The following ZNF652 variants were observed in gnomAD, a reference collection of about 807,000 sequenced individuals.
ZNF652 encodes the protein zinc finger protein 652.
In ZNF652, 16 loss-of-function variants were observed where a neutral mutation model predicts 45.2. The ratio of observed to expected loss-of-function variants is 0.35; its 90% CI spans 0.24 to 0.54. ZNF652 has a LOEUF of 0.54. Ranked by LOEUF, ZNF652 falls within the 20% of genes least tolerant of loss-of-function variation. The pLI, the probability that ZNF652 is intolerant of heterozygous loss-of-function variation, is 0.91. For synonymous variants in ZNF652, 250 were observed against 260.6 expected, an observed-to-expected ratio of 0.96 and a Z score of 0.39; for missense variants, 614 against 765.6, an observed-to-expected ratio of 0.80 and a Z score of 2.34.
At chr17:49,315,647 T>C (rs976582884) in intron 2 of ZNF652, among the ~76,000 whole-genome samples, 1 of 151,738 alleles carries the variant, frequency 6.6e-6, no homozygotes, top group African/African-American at 2.4e-5. Flanking sequence ...GTTTGACCCC[T>C]AGAGTGCAGC....
chr17:49,311,780 G>T, intron 4 of ZNF652, 147 bp downstream of exon 4: 2 of 648,034 alleles, frequency 3.1e-6, no homozygotes, highest in Non-Finnish European at 2.7e-6. Context: ...TGCAGTGACA[G>T]CGCACACAGA....
downstream of ZNF652, among the ~76,000 whole-genome samples, chr17:49,288,164 A>G (rs1294618085): frequency 2.0e-5 from 3 of 152,116 alleles, no homozygotes; most frequent in East Asian, 1.9e-4. Context: ...ACTCATATAT[A>G]TATGTATTGA....
At chr17:49,320,700 T>C (rs757925445) in intron 1 of ZNF652, among the ~76,000 whole-genome samples, 1 of 152,198 alleles carries the variant, frequency 6.6e-6, no homozygotes, top group Non-Finnish European at 1.5e-5. Flanking sequence ...ACTCATATTA[T>C]CTCAAATTAA....
intron 2 of ZNF652, among the ~76,000 whole-genome samples, chr17:49,316,205 A>G (rs1354478775): frequency 6.6e-6 from 1 of 152,236 alleles, no homozygotes; most frequent in African/African-American, 2.4e-5. Context: ...TACCTTAACA[A>G]TACTGTACAG....
chr17:49,321,095 T>C (rs1356629418), intron 1 of ZNF652, among the ~76,000 whole-genome samples: 3 of 152,204 alleles, frequency 2.0e-5, no homozygotes, highest in African/African-American at 7.2e-5. Flanking sequence ...CTGGTCAGCA[T>C]ATTATGAGAA....
chr17:49,350,295 T>C (rs953944624), intron 1 of ZNF652, among the ~76,000 whole-genome samples: 1 of 151,940 alleles, frequency 6.6e-6, no homozygotes, highest in Admixed American at 6.6e-5. Context: ...TCCCAGCACT[T>C]TGGGAGGCCA....
intron 1 of ZNF652, among the ~76,000 whole-genome samples, chr17:49,330,362 A>G (rs922453366): frequency 3.3e-5 from 5 of 152,180 alleles, no homozygotes; most frequent in Non-Finnish European, 5.9e-5. Context: ...GCATGATCTC[A>G]GCTCACTGCA....
At chr17:49,339,175 A>G (rs1219922007) in intron 1 of ZNF652, among the ~76,000 whole-genome samples, 5 of 150,946 alleles carry the variant, frequency 3.3e-5, no homozygotes, top group African/African-American at 1.2e-4. Flanking sequence ...ACTCAAAACA[A>G]AGAAAAGGTC....
rs149843583 is a variant in ZNF652, at chr17:49,318,223, G to A, written c.-258-240C>T. ...CTCCCGAGTAGCTGGGATTACAGGC[G>A]CCCGCCACCACACCTGGCTAATTTT... On this transcript the variant is annotated intron_variant, in intron 1 of 5. Coordinates refer to ENST00000430262, the MANE Select transcript of ZNF652 (RefSeq NM_001145365.3). Among the ~76,000 whole-genome samples the A allele has an allele frequency of 5.5e-3, 838 of 152,102 alleles. 3 individuals are homozygous for A. The highest frequency in any genetic ancestry group is 0.019 in the African/African-American group (795 of 41,480).
rs1379376945 is a variant in ZNF652, at chr17:49,295,960, A to AAAAAC, written c.*2452_*2453insGTTTT. ...CTCAAAAAAAAAAAAAAAAAAAAAA[A>AAAAAC]AAAAACAGAACAAAATATAACCAAT... On this transcript the variant is annotated 3_prime_UTR_variant, in exon 6 of 6. Transcript: ENST00000430262. The AAAAAC allele has an allele frequency of 6.6e-6, 1 of 150,726 alleles. No homozygotes were observed. Among genetic ancestry groups the AAAAAC allele is most frequent in the African/African-American group, 2.4e-5 (1 of 40,982 alleles). 9.3% of individuals were successfully genotyped at this position (150,726 alleles called of 1,614,324 possible).
intron 1 of ZNF652, among the ~76,000 whole-genome samples, chr17:49,333,675 G>A (rs2070049948): frequency 7.0e-6 from 1 of 142,106 alleles, no homozygotes; most frequent in Non-Finnish European, 1.5e-5. Flanking sequence ...AGCCGAGATC[G>A]TGCCACTGCA....
At chr17:49,324,146 C>T (rs571306663) in intron 1 of ZNF652, among the ~76,000 whole-genome samples, 18 of 152,354 alleles carry the variant, frequency 1.2e-4, no homozygotes, top group Non-Finnish European at 2.1e-4. Flanking sequence ...TCTACATCAG[C>T]ACTTGCTGCT....
Position 49,295,946 on chromosome 17 carries a change from A to AAC in ZNF652, c.*2466_*2467insGT, listed in dbSNP as rs1052282411. ...GAACAAGACTCTGCCTCAAAAAAAA[A>AAC]AAAAAAAAAAAAAAAAAAACAGAAC... On this transcript the variant is annotated 3_prime_UTR_variant, in exon 6 of 6. Coordinates refer to ENST00000430262, the MANE Select transcript of ZNF652 (RefSeq NM_001145365.3). 4 of 126,582 alleles carry AAC rather than the reference A, an allele frequency of 3.2e-5. No individual in the cohort carries two copies. Among genetic ancestry groups the AAC allele is most frequent in the African/African-American group, 1.3e-4 (4 of 31,892 alleles). 7.8% of individuals were successfully genotyped at this position (126,582 alleles called of 1,614,324 possible). A position where few individuals can be genotyped will look rare whatever the true frequency, so the allele number is the denominator to read the frequency against.
At position 49,290,836 on chromosome 17, in the gene ZNF652, G is replaced by A. The variant is rs1361601427; in HGVS notation, c.*7577C>T. 2 of 152,194 alleles carry A rather than the reference G, an allele frequency of 1.3e-5. No individual in the cohort carries two copies. Among genetic ancestry groups the A allele is most frequent in the Non-Finnish European group, 2.9e-5 (2 of 68,028 alleles). 9.4% of individuals were successfully genotyped at this position (152,194 alleles called of 1,614,324 possible). ...ACATGAATAAGCTTTGAGCTAAGAG[G>A]CTATTCCAGAAGAGATTTAAAAGTG... is the stretch of plus-strand genomic sequence containing the variant. On this transcript the variant is annotated 3_prime_UTR_variant, in exon 6 of 6. Transcript: ENST00000430262.
chr17:49,310,696 G>A (rs1305265529), intron 5 of ZNF652, among the ~76,000 whole-genome samples: 1 of 152,180 alleles, frequency 6.6e-6, no homozygotes, highest in Non-Finnish European at 1.5e-5. Context: ...GAGCCCAGGA[G>A]ATCGAGACCA....
At chr17:49,348,247 T>G (rs1336678330) in intron 1 of ZNF652, among the ~76,000 whole-genome samples, 3 of 151,858 alleles carry the variant, frequency 2.0e-5, no homozygotes, top group African/African-American at 7.3e-5. Context: ...CCCCAGCACT[T>G]TGGGAGGCTG....
chr17:49,298,190 G>T lies in ZNF652; in HGVS notation c.*223C>A. 1 of 559,286 alleles carries T rather than the reference G, an allele frequency of 1.8e-6. No individual in the cohort carries two copies. Among genetic ancestry groups the T allele is most frequent in the African/African-American group, 1.9e-5 (1 of 52,566 alleles). The allele number at this position is 559,286 out of a possible 1,614,324, so 34.6% of individuals were successfully genotyped here. On this transcript the variant is annotated 3_prime_UTR_variant, in exon 6 of 6. Transcript: ENST00000430262. The stretch of plus-strand genomic sequence containing the variant: ...AGTCATCAGAAAATGCAAGCAAATT[G>T]GGCTTTAGTTCAGTGGTTCCCCTGG...
intron 1 of ZNF652, among the ~76,000 whole-genome samples, chr17:49,318,925 T>C (rs2069848770): frequency 6.6e-6 from 1 of 152,214 alleles, no homozygotes; most frequent in Non-Finnish European, 1.5e-5. Flanking sequence ...TGGAGTAATT[T>C]CAAAGTTGCC....
rs183358430 is a variant in ZNF652 at position 49,341,281 on chromosome 17, G to A, written c.-259+20628C>T. On this transcript the variant is annotated intron_variant, in intron 1 of 5. Coordinates refer to ENST00000430262, the MANE Select transcript of ZNF652 (RefSeq NM_001145365.3). ...CAAAACTATGTCAAAGAAAAACTAT[G>A]ACAAATCTTAAACTCTGCCTCATTT... Among the ~76,000 whole-genome samples the A allele has an allele frequency of 3.4e-3, 518 of 151,594 alleles. 2 individuals carry two copies. Among genetic ancestry groups the A allele is most frequent in the Non-Finnish European group, 6.1e-3 (411 of 67,888 alleles).
Sources: gnomAD v4.1 joint callset for allele counts (sites outside exome capture counted in the v4.1 genomes callset) on GRCh38, gnomAD v4.1.1 for gene constraint, MANE v1.5 for transcripts, NCBI Gene and HGNC (gene_info 2026-07-23, HGNC 2026-07-21) for gene names.